Variants in CD226 observed in about 807,000 individuals in gnomAD.
CD226 encodes the protein CD226 antigen.
A neutral mutation model predicts 34.9 loss-of-function variants in CD226; 24 were observed. That is an observed-to-expected ratio of 0.69 (90% CI 0.50 to 0.97). The LOEUF (loss-of-function observed/expected upper bound fraction) is 0.97, where lower values mean the gene tolerates loss of function less well. Ranked by LOEUF, CD226 falls within the 50% of genes least tolerant of loss-of-function variation. CD226 has a pLI of 0.00. For missense variants in CD226, 397 were observed against 412.7 expected (o/e 0.96, Z 0.33); for synonymous variants, 148 against 147.4 (o/e 1.00, Z -0.03).
intron 2 of CD226, among the ~76,000 whole-genome samples, chr18:69,921,471 T>A (rs74618668): frequency 0.03 from 4,532 of 152,222 alleles, 226 homozygotes; most frequent in African/African-American, 0.1. Flanking sequence ...GCCATTGGAT[T>A]GTAAGCATCT....
intron 2 of CD226, among the ~76,000 whole-genome samples, chr18:69,903,606 C>A (rs2055213939): frequency 6.6e-6 from 1 of 151,876 alleles, no homozygotes. Flanking sequence ...TAGGGTGGCC[C>A]CTAATCCAAT....
In CD226 at chr18:69,858,722, T is replaced by TTTTTC. The variant is rs1982686010; in HGVS notation, c.*5591_*5592insGAAAA. On this transcript the variant is annotated 3_prime_UTR_variant, in exon 6 of 6. Coordinates refer to ENST00000582621, the MANE Select transcript of CD226 (RefSeq NM_001303618.2). ...CCCCTATGTTCAAATACTTAACTTT[T>TTTTTC]TTTTTTTTTTTTTTTTTTTTTTTTT... 8.9e-6 allele frequency: 1 copy of TTTTTC among 112,740 alleles called. No individual in the cohort carries two copies. Among genetic ancestry groups the TTTTTC allele is most frequent in the Non-Finnish European group, 1.9e-5 (1 of 53,096 alleles). The allele number at this position is 112,740 out of a possible 1,614,324, so 7.0% of individuals were successfully genotyped here. A position where few individuals can be genotyped will look rare whatever the true frequency, so the allele number is the denominator to read the frequency against.
chr18:69,911,226 G>T (rs2055320337), intron 2 of CD226, among the ~76,000 whole-genome samples: 1 of 149,324 alleles, frequency 6.7e-6, no homozygotes, highest in African/African-American at 2.6e-5. Context: ...CTCAGAGAAG[G>T]CTTCAGTGGA....
At chr18:69,866,165 G>A (rs1239869694) in intron 5 of CD226, among the ~76,000 whole-genome samples, 2 of 152,200 alleles carry the variant, frequency 1.3e-5, no homozygotes, top group African/African-American at 4.8e-5. Flanking sequence ...TCACGAAGAC[G>A]CCACCCTCAT....
intron 2 of CD226, among the ~76,000 whole-genome samples, chr18:69,934,481 C>T (rs905995673): frequency 6.6e-6 from 1 of 152,196 alleles, no homozygotes; most frequent in Non-Finnish European, 1.5e-5. Context: ...CAGCTAAATG[C>T]TCCCAGAATT....
chr18:69,949,182 T>C (rs1300025885), upstream of CD226, among the ~76,000 whole-genome samples: 9 of 152,090 alleles, frequency 5.9e-5, no homozygotes, highest in Non-Finnish European at 1.2e-4. Context: ...CTAACTTCTG[T>C]AACTCCAGCA....
rs1346352543 is a variant in CD226 at position 69,856,833 on chromosome 18, AG to A, written c.*7480del. The A allele has an allele frequency of 2.6e-5, 4 of 152,234 alleles. No individual in the cohort carries two copies. Among genetic ancestry groups the A allele is most frequent in the Non-Finnish European group, 5.9e-5 (4 of 68,038 alleles). The allele number at this position is 152,234 out of a possible 1,614,324, so 9.4% of individuals were successfully genotyped here. ...TAGCATTAAGTGCCACTATTGGAAA[AG>A]AAAACAACATATAAAATCAATAATC... On this transcript the variant is annotated 3_prime_UTR_variant, in exon 6 of 6. Transcript: ENST00000582621.
upstream of CD226, among the ~76,000 whole-genome samples, chr18:69,951,190 G>T (rs139121925): frequency 3.6e-3 from 547 of 151,816 alleles, 2 homozygotes; most frequent in African/African-American, 0.012. Context: ...AGGCTTGCTT[G>T]GAGCTTCTGG....
intron 2 of CD226, among the ~76,000 whole-genome samples, chr18:69,913,379 T>C (rs2055349439): frequency 6.6e-6 from 1 of 152,152 alleles, no homozygotes; most frequent in Admixed American, 6.5e-5. Flanking sequence ...AGATCAAAGA[T>C]GGGATTATTT....
intron 3 of CD226, among the ~76,000 whole-genome samples, chr18:69,878,690 C>A (rs899686421): frequency 1.3e-5 from 2 of 152,178 alleles, no homozygotes; most frequent in African/African-American, 4.8e-5. Context: ...CCACCTCACA[C>A]CTTTTTGAAT....
At chr18:69,900,548 A>T (rs201040376) in intron 2 of CD226, among the ~76,000 whole-genome samples, 14 of 151,422 alleles carry the variant, frequency 9.2e-5, no homozygotes, top group African/African-American at 2.7e-4. Flanking sequence ...CTGGCTAACA[A>T]GGTGAAACCC....
chr18:69,952,340 T>C (rs1344505288), upstream of CD226, among the ~76,000 whole-genome samples: 1 of 152,172 alleles, frequency 6.6e-6, no homozygotes, highest in African/African-American at 2.4e-5. Context: ...ATTATTCAGG[T>C]GATGGTTATA....
chr18:69,867,922 A>C (rs1983251293), intron 4 of CD226, among the ~76,000 whole-genome samples: 1 of 152,226 alleles, frequency 6.6e-6, no homozygotes, highest in South Asian at 2.1e-4. Context: ...TTTAGAAACT[A>C]AGGTGTGAAG....
chr18:69,860,935 A>G lies in CD226; in HGVS notation c.*3379T>C, dbSNP rs1306155841. The G allele has an allele frequency of 6.6e-6, 1 of 152,112 alleles. No homozygotes were observed. Among genetic ancestry groups the G allele is most frequent in the African/African-American group, 2.4e-5 (1 of 41,460 alleles). 9.4% of individuals were successfully genotyped at this position (152,112 alleles called of 1,614,324 possible). A position where few individuals can be genotyped will look rare whatever the true frequency, so the allele number is the denominator to read the frequency against. On this transcript the variant is annotated 3_prime_UTR_variant, in exon 6 of 6. Coordinates refer to ENST00000582621, the MANE Select transcript of CD226 (RefSeq NM_001303618.2). ...ATATAAGCAGTACAAAATACAGTACATCATTATAAATCAAGGAGAAGCATT... is the reference window on the plus strand; with the variant it reads ...ATATAAGCAGTACAAAATACAGTACGTCATTATAAATCAAGGAGAAGCATT...
chr18:69,902,160 A>G (rs1238427597), intron 2 of CD226, among the ~76,000 whole-genome samples: 3 of 152,164 alleles, frequency 2.0e-5, no homozygotes, highest in Non-Finnish European at 4.4e-5. Context: ...CACAAATGCT[A>G]AACTCTCTCC....
intron 2 of CD226, among the ~76,000 whole-genome samples, chr18:69,911,597 T>A (rs1599001339): frequency 6.6e-6 from 1 of 152,172 alleles, no homozygotes; most frequent in Admixed American, 6.5e-5. Context: ...CACACGGGAA[T>A]GCTAACACTC....
rs371675788 is a variant in CD226 at position 69,923,728 on chromosome 18, C to T, written c.382+23006G>A. On this transcript the variant is annotated intron_variant, in intron 2 of 5. Coordinates refer to ENST00000582621, the MANE Select transcript of CD226 (RefSeq NM_001303618.2). ...CAGCACTTTGGGAGGCCGAGGCGGG[C>T]GGATCACGAGGTCAGGAGATCGAGA... 7.7e-3 allele frequency among the ~76,000 whole-genome samples: 1,174 copies of T among 152,074 alleles called. 2 individuals carry two copies. The highest frequency in any genetic ancestry group is 0.011 in the Non-Finnish European group (736 of 67,968).
intron 3 of CD226, among the ~76,000 whole-genome samples, chr18:69,890,374 T>C (rs142236411): frequency 3.9e-5 from 6 of 152,134 alleles, no homozygotes; most frequent in East Asian, 3.9e-4. Context: ...AGGCAGGGGA[T>C]TGCTTGAGCC....
chr18:69,897,245 A>G (rs1027599610), intron 2 of CD226, among the ~76,000 whole-genome samples: 1 of 152,206 alleles, frequency 6.6e-6, no homozygotes, highest in African/African-American at 2.4e-5. Context: ...AGCGTACATA[A>G]ACAAACACTC....
Sources: gnomAD v4.1 joint callset for allele counts (sites outside exome capture counted in the v4.1 genomes callset) on GRCh38, gnomAD v4.1.1 for gene constraint, MANE v1.5 for transcripts, NCBI Gene and HGNC (gene_info 2026-07-23, HGNC 2026-07-21) for gene names.